Variants in TSPAN18 observed in about 807,000 individuals in gnomAD.
The protein encoded by TSPAN18 is tetraspanin 18.
A neutral mutation model predicts 27.3 loss-of-function variants in TSPAN18; 14 were observed. The ratio of observed to expected loss-of-function variants is 0.51; its 90% CI spans 0.34 to 0.80. The LOEUF (loss-of-function observed/expected upper bound fraction) is 0.80. Among genes scored for constraint, TSPAN18 ranks in the 30% least tolerant of loss-of-function variants. TSPAN18 has a pLI of 0.01. For missense variants in TSPAN18, 268 were observed against 323.9 expected, an observed-to-expected ratio of 0.83 and a Z score of 1.32; for synonymous variants, 143 against 136.5, an observed-to-expected ratio of 1.05 and a Z score of -0.33.
At chr11:44,826,981 T>G (rs1857056673) in intron 2 of TSPAN18, among the ~76,000 whole-genome samples, 1 of 152,236 alleles carries the variant, frequency 6.6e-6, no homozygotes, top group South Asian at 2.1e-4. Context: ...CTTCTACATG[T>G]GAAGGCATTT....
intron 1 of TSPAN18, among the ~76,000 whole-genome samples, chr11:44,741,017 G>A (rs1854920187): frequency 1.3e-5 from 2 of 152,150 alleles, no homozygotes. Context: ...CGCATCACGG[G>A]AGTGGGGCTG....
chr11:44,730,601 G>A (rs996804244), intron 1 of TSPAN18, among the ~76,000 whole-genome samples: 1 of 152,000 alleles, frequency 6.6e-6, no homozygotes, highest in Non-Finnish European at 1.5e-5. Flanking sequence ...CCATCTGAGG[G>A]AGTGGGGGTG....
At chr11:44,810,858 C>T (rs371191575) in intron 2 of TSPAN18, among the ~76,000 whole-genome samples, 2 of 152,116 alleles carry the variant, frequency 1.3e-5, no homozygotes, top group South Asian at 2.1e-4. Context: ...ATCTGCCCGC[C>T]GTGGCCTCTC....
intron 5 of TSPAN18, among the ~76,000 whole-genome samples, chr11:44,914,962 C>G (rs989264562): frequency 1.3e-5 from 2 of 152,204 alleles, no homozygotes; most frequent in Non-Finnish European, 2.9e-5. Context: ...CGAGAAGCAC[C>G]GCACCTGCAT....
At chr11:44,735,558 G>C (rs36048918) in intron 1 of TSPAN18, among the ~76,000 whole-genome samples, 1 of 151,448 alleles carries the variant, frequency 6.6e-6, no homozygotes, top group South Asian at 2.1e-4. Flanking sequence ...CTGTGTGTCT[G>C]CCTCTCCTCT....
intron 5 of TSPAN18, among the ~76,000 whole-genome samples, chr11:44,914,251 A>G (rs536423050): frequency 6.6e-5 from 10 of 152,356 alleles, no homozygotes; most frequent in Admixed American, 4.6e-4. Flanking sequence ...CCCGGAGCCA[A>G]GGAACAGAGA....
At chr11:44,753,895 T>A (rs984989189) in intron 1 of TSPAN18, among the ~76,000 whole-genome samples, 11 of 152,208 alleles carry the variant, frequency 7.2e-5, no homozygotes, top group Non-Finnish European at 1.6e-4. Flanking sequence ...TAATTGTATT[T>A]GGACGCAACA....
At chr11:44,888,606 A>G (rs1858739361) in intron 3 of TSPAN18, among the ~76,000 whole-genome samples, 1 of 152,142 alleles carries the variant, frequency 6.6e-6, no homozygotes, top group Non-Finnish European at 1.5e-5. Flanking sequence ...CTTGGGCTGC[A>G]TTTGGAGGTT....
intron 3 of TSPAN18, among the ~76,000 whole-genome samples, chr11:44,904,873 T>C (rs941844652): frequency 2.0e-5 from 3 of 152,140 alleles, no homozygotes; most frequent in African/African-American, 7.2e-5. Context: ...TTGTCAGTGC[T>C]TCCTACAAGC....
chr11:44,881,247 T>C (rs901886446), intron 3 of TSPAN18, among the ~76,000 whole-genome samples: 17 of 152,150 alleles, frequency 1.1e-4, no homozygotes, highest in Non-Finnish European at 2.1e-4. Context: ...CCTCTTGTTA[T>C]TGGTTGTTTT....
At chr11:44,766,790 TG>T (rs1247832473) in intron 2 of TSPAN18, among the ~76,000 whole-genome samples, 1 of 152,214 alleles carries the variant, frequency 6.6e-6, no homozygotes, top group African/African-American at 2.4e-5. Flanking sequence ...GGAAAAGCTT[TG>T]CTGGGGTTTT....
chr11:44,838,494 A>T (rs1857306934), intron 2 of TSPAN18, among the ~76,000 whole-genome samples: 2 of 152,160 alleles, frequency 1.3e-5, no homozygotes, highest in Non-Finnish European at 2.9e-5. Context: ...GGCTAAAGGA[A>T]CTTTGTAGAT....
intron 2 of TSPAN18, among the ~76,000 whole-genome samples, chr11:44,834,370 G>A (rs917661486): frequency 2.6e-5 from 4 of 152,120 alleles, no homozygotes; most frequent in Admixed American, 2.0e-4. Context: ...AGAGCCACAC[G>A]GGTTCTTTCT....
intron 2 of TSPAN18, among the ~76,000 whole-genome samples, chr11:44,808,494 A>G (rs1214184094): frequency 1.3e-5 from 2 of 152,206 alleles, no homozygotes; most frequent in Non-Finnish European, 2.9e-5. Context: ...GTGTTTCTAG[A>G]GTGGGAACAT....
Position 44,760,652 on chromosome 11 carries a change from A to G in TSPAN18, c.-239-3774A>G, listed in dbSNP as rs183561124. Among the ~76,000 whole-genome samples, 237 of 152,330 alleles carry G rather than the reference A, an allele frequency of 1.6e-3. 1 individual carries two copies. The highest frequency in any genetic ancestry group is 5.4e-3 in the African/African-American group (224 of 41,564). ...CTGACCAAATTTTTCTTGTAAATTGAGAGCTCCACCCCTAGTTTGGAAGAA... is the reference window on the plus strand; with the variant it reads ...CTGACCAAATTTTTCTTGTAAATTGGGAGCTCCACCCCTAGTTTGGAAGAA... On this transcript the variant is annotated intron_variant, in intron 1 of 9. Transcript: ENST00000520358.
chr11:44,727,698 A>G (rs1854549760), intron 1 of TSPAN18, among the ~76,000 whole-genome samples: 1 of 151,918 alleles, frequency 6.6e-6, no homozygotes, highest in African/African-American at 2.4e-5. Context: ...ACAGTGAGGG[A>G]CCAGGGACTG....
chr11:44,788,000 T>G (rs1486010134), intron 2 of TSPAN18, among the ~76,000 whole-genome samples: 4 of 152,230 alleles, frequency 2.6e-5, no homozygotes, highest in Admixed American at 2.6e-4. Flanking sequence ...GCATTCTCTC[T>G]GTGGGACAAG....
intron 1 of TSPAN18, among the ~76,000 whole-genome samples, chr11:44,740,889 G>A (rs1459062791): frequency 1.3e-5 from 2 of 152,154 alleles, no homozygotes; most frequent in East Asian, 1.9e-4. Flanking sequence ...AGGTTCAAGC[G>A]ATTCTCCTGT....
chr11:44,770,617 G>A (rs891709976), intron 2 of TSPAN18, among the ~76,000 whole-genome samples: 9 of 152,198 alleles, frequency 5.9e-5, no homozygotes, highest in African/African-American at 2.2e-4. Flanking sequence ...CAGGAAGCCA[G>A]TAAGCAAGAA....
Sources: allele counts gnomAD v4.1 joint callset (sites outside exome capture counted in the v4.1 genomes callset), GRCh38; gene constraint gnomAD v4.1.1; transcripts MANE v1.5; gene names NCBI Gene and HGNC (gene_info 2026-07-23, HGNC 2026-07-21).